COL23A1: variants seen among roughly 807,000 people sequenced by gnomAD.
COL23A1 encodes collagen alpha-1(XXIII) chain.
A neutral mutation model predicts 99.3 loss-of-function variants in COL23A1; 97 were observed. That is an observed-to-expected ratio of 0.98 (90% CI 0.83 to 1.16). The LOEUF (loss-of-function observed/expected upper bound fraction) is 1.16. COL23A1 is among the 50% of genes most tolerant of loss of function. The probability of loss-of-function intolerance (pLI) is 0.00; values close to 1 mark genes in which losing one functional copy is unlikely to be tolerated. For missense variants in COL23A1, 762 were observed against 757.4 expected (o/e 1.01, Z -0.07); for synonymous variants, 320 against 308.2 (o/e 1.04, Z -0.40).
At chr5:178,549,558 G>A (rs1165992860) in intron 2 of COL23A1, among the ~76,000 whole-genome samples, 1 of 152,034 alleles carries the variant, frequency 6.6e-6, no homozygotes, top group Non-Finnish European at 1.5e-5. Context: ...GCTCATGCCT[G>A]TAATCCCATC....
At chr5:178,525,916 C>G (rs1322467688) in intron 2 of COL23A1, among the ~76,000 whole-genome samples, 1 of 152,264 alleles carries the variant, frequency 6.6e-6, no homozygotes, top group Non-Finnish European at 1.5e-5. Context: ...CATCAGCTGC[C>G]TTAGGAACAC....
chr5:178,543,992 C>T (rs1414384071), intron 2 of COL23A1, among the ~76,000 whole-genome samples: 1 of 152,072 alleles, frequency 6.6e-6, no homozygotes, highest in Non-Finnish European at 1.5e-5. Flanking sequence ...GGTCCCTTTT[C>T]TAAGGGCACT....
At chr5:178,523,450 GAAAA>G in intron 2 of COL23A1, 1 of 106,594 alleles carries the variant, frequency 9.4e-6, no homozygotes, top group South Asian at 3.0e-4. Flanking sequence ...AAAAAAAAAA[GAAAA>G]AGAAAGAGAA....
chr5:178,412,093 TA>T (rs956209815), intron 2 of COL23A1, among the ~76,000 whole-genome samples: 11 of 152,198 alleles, frequency 7.2e-5, no homozygotes, highest in African/African-American at 2.2e-4. Context: ...TATATAATGG[TA>T]AAAATGGAAG....
chr5:178,590,312 T>G lies in COL23A1; in HGVS notation c.-115A>C. The G allele has an allele frequency of 1.0e-6, 1 of 968,528 alleles. No homozygotes were observed. The highest frequency in any genetic ancestry group is 1.3e-6 in the Non-Finnish European group (1 of 771,126). The allele number at this position is 968,528 out of a possible 1,614,324, so 60.0% of individuals were successfully genotyped here. On this transcript the variant is annotated 5_prime_UTR_variant, in exon 1 of 29. Coordinates refer to ENST00000390654, the MANE Select transcript of COL23A1 (RefSeq NM_173465.4). This position sits in a 1 kb window ranked among gnomAD's most constrained non-coding sequence, Gnocchi z 5.7. ...CACGAGGTCCGCCGGGCGCGGGGGTTAGCCTCCGGGTAGCAGCGGATCGCC... is the reference window on the plus strand; with the variant it reads ...CACGAGGTCCGCCGGGCGCGGGGGTGAGCCTCCGGGTAGCAGCGGATCGCC...
chr5:178,356,156 T>C (rs749720222), intron 2 of COL23A1, among the ~76,000 whole-genome samples: 1 of 152,060 alleles, frequency 6.6e-6, no homozygotes, highest in Non-Finnish European at 1.5e-5. Flanking sequence ...ATGTCCAGAA[T>C]AGGCAAAGCC....
chr5:178,305,535 G>A (rs1758303760), intron 3 of COL23A1, among the ~76,000 whole-genome samples: 1 of 152,232 alleles, frequency 6.6e-6, no homozygotes, highest in African/African-American at 2.4e-5. Context: ...CCTGGGGGCT[G>A]CCCGTGCTGA....
chr5:178,344,295 A>C (rs1174571335), intron 2 of COL23A1, among the ~76,000 whole-genome samples: 1 of 152,210 alleles, frequency 6.6e-6, no homozygotes, highest in Non-Finnish European at 1.5e-5. Flanking sequence ...CTATGTAAAC[A>C]GTTGTTACAC....
intron 2 of COL23A1, among the ~76,000 whole-genome samples, chr5:178,441,674 A>G (rs1485945256): frequency 1.3e-5 from 2 of 151,400 alleles, no homozygotes; most frequent in Non-Finnish European, 2.9e-5. Flanking sequence ...CTTTTGAAAC[A>G]AACAAAATAG....
rs1221900823 is a variant in COL23A1, at chr5:178,258,436, G to A, written c.730-869C>T. 2.3e-4 allele frequency among the ~76,000 whole-genome samples: 30 copies of A among 132,578 alleles called. No homozygotes were observed. The East Asian group carries it at 2.7e-3, about 12-fold the overall frequency. The allele number at this position is 132,578 out of a possible 152,430, so 87.0% of individuals were successfully genotyped here. A position where few individuals can be genotyped will look rare whatever the true frequency, so the allele number is the denominator to read the frequency against. On this transcript the variant is annotated intron_variant, in intron 12 of 28. Coordinates refer to ENST00000390654, the MANE Select transcript of COL23A1 (RefSeq NM_173465.4). ...TTTGTAAGGTGAGTCTCACTCTGTC[G>A]CCCAGGTTGGAGTGCAGTGGCACAA...
At chr5:178,254,296 C>T (rs918739408) in intron 16 of COL23A1, among the ~76,000 whole-genome samples, 1 of 152,236 alleles carries the variant, frequency 6.6e-6, no homozygotes, top group Admixed American at 6.5e-5. Flanking sequence ...CACGCCACGC[C>T]ACACCATGCA....
chr5:178,489,691 G>A (rs1466977759), intron 2 of COL23A1, among the ~76,000 whole-genome samples: 7 of 152,270 alleles, frequency 4.6e-5, no homozygotes, highest in Non-Finnish European at 4.4e-5. Flanking sequence ...TGCAGCCACC[G>A]GGCACCAAAC....
intron 2 of COL23A1, among the ~76,000 whole-genome samples, chr5:178,482,158 C>T (rs138745525): frequency 1.4e-3 from 213 of 152,200 alleles, no homozygotes; most frequent in Middle Eastern, 3.4e-3. Context: ...TTTATACCAA[C>T]GTTCACAGCA....
chr5:178,488,967 C>T (rs569708332), intron 2 of COL23A1, among the ~76,000 whole-genome samples: 76 of 152,350 alleles, frequency 5.0e-4, no homozygotes, highest in African/African-American at 1.7e-3. Flanking sequence ...CACTTCCCTG[C>T]AGAGACCATT....
intron 1 of COL23A1, among the ~76,000 whole-genome samples, chr5:178,585,744 GACC>G (rs1763956376): frequency 2.0e-5 from 3 of 151,974 alleles, no homozygotes; most frequent in African/African-American, 4.8e-5. Flanking sequence ...AGCCCTGGCT[GACC>G]CTGTTGGTTG....
At chr5:178,247,491 G>A (rs773635804) in intron 22 of COL23A1, 35 bp downstream of exon 22, 6 of 1,612,898 alleles carry the variant, frequency 3.7e-6, no homozygotes, top group Middle Eastern at 1.6e-4. Context: ...CAGACGGTGA[G>A]TCTGAGGCCA....
At chr5:178,420,480 C>G (rs1381816877) in intron 2 of COL23A1, among the ~76,000 whole-genome samples, 4 of 85,216 alleles carry the variant, frequency 4.7e-5, no homozygotes, top group Admixed American at 1.1e-4. Context: ...TCCCCTCCCC[C>G]GCTCTTTCCT....
At chr5:178,496,127 C>G (rs1758187418) in intron 2 of COL23A1, among the ~76,000 whole-genome samples, 1 of 152,178 alleles carries the variant, frequency 6.6e-6, no homozygotes, top group African/African-American at 2.4e-5. Context: ...CGAGCTTGTC[C>G]AGGGTACCTG....
At chr5:178,585,406 GT>G (rs879780715) in intron 1 of COL23A1, among the ~76,000 whole-genome samples, 10,998 of 133,850 alleles carry the variant, frequency 0.082, 654 homozygotes, top group East Asian at 0.3. Flanking sequence ...TGACTGATGT[GT>G]GGGTAACACT....
Sources: gnomAD v4.1 joint callset for allele counts (sites outside exome capture counted in the v4.1 genomes callset) on GRCh38, gnomAD v4.1.1 for gene constraint, Gnocchi (gnomAD v3.1) non-coding constraint, MANE v1.5 for transcripts, NCBI Gene and HGNC (gene_info 2026-07-23, HGNC 2026-07-21) for gene names.